Variants in CIAO2A observed in about 807,000 individuals in gnomAD.
The protein encoded by CIAO2A is MIP18 family protein FAM96A.
In CIAO2A, 17 loss-of-function variants were observed where a neutral mutation model predicts 22.4. That is an observed-to-expected ratio of 0.76 (90% CI 0.52 to 1.14). The LOEUF is 1.14. CIAO2A is among the 50% of genes most tolerant of loss of function. The probability of loss-of-function intolerance (pLI) is 0.00; values close to 1 mark genes in which losing one functional copy is unlikely to be tolerated. For synonymous variants in CIAO2A, 74 were observed against 72.3 expected (o/e 1.02, Z -0.12); for missense variants, 192 against 191.4 (o/e 1.00, Z -0.02).
At chr15:64,086,188 C>T (rs1237804715) in intron 2 of CIAO2A, among the ~76,000 whole-genome samples, 1 of 151,538 alleles carries the variant, frequency 6.6e-6, no homozygotes, top group East Asian at 2.0e-4. Flanking sequence ...GTGGGCAGAT[C>T]ACCTGATATT....
chr15:64,075,509 T>C lies in CIAO2A; in HGVS notation c.368A>G (p.His123Arg), dbSNP rs1301211022. The change falls in exon 4 of 5, where the codon CAC (histidine) becomes CGC (arginine). Residue 123 changes from histidine to arginine, a missense_variant. Coordinates refer to ENST00000300030, the MANE Select transcript of CIAO2A (RefSeq NM_032231.7). ...TCACTTACTGTCTTCTTCTGTTGAG[T>C]GGGTTCCTTCAGAAATGTAGATTTC... ...KLEIYISEGT[H>R]STEEDINKQI... 2 of 1,587,194 alleles carry C rather than the reference T, an allele frequency of 1.3e-6. No homozygotes were observed. Among genetic ancestry groups the C allele is most frequent in the Non-Finnish European group, 1.7e-6 (2 of 1,166,036 alleles).
intron 1 of CIAO2A, among the ~76,000 whole-genome samples, chr15:64,089,946 G>C (rs1246640274): frequency 3.3e-5 from 5 of 152,200 alleles, no homozygotes; most frequent in African/African-American, 1.2e-4. Flanking sequence ...CTGTAGCATA[G>C]AGTTTAAAAC....
At chr15:64,078,622 C>A (rs1284154851) in intron 3 of CIAO2A, among the ~76,000 whole-genome samples, 2 of 115,526 alleles carry the variant, frequency 1.7e-5, no homozygotes, top group Admixed American at 1.2e-4. Flanking sequence ...GGCGACAGAG[C>A]GAGATTCCAT....
intron 3 of CIAO2A, among the ~76,000 whole-genome samples, chr15:64,079,984 T>C (rs1006312574): frequency 6.6e-5 from 10 of 152,182 alleles, no homozygotes; most frequent in Non-Finnish European, 1.2e-4. Flanking sequence ...ATCCTTATTT[T>C]AAAATGGGCA....
At chr15:64,079,451 C>T (rs1344057391) in intron 3 of CIAO2A, among the ~76,000 whole-genome samples, 1 of 152,068 alleles carries the variant, frequency 6.6e-6, no homozygotes, top group Non-Finnish European at 1.5e-5. Flanking sequence ...GGCTGAGCCT[C>T]GGAGATAGAG....
At chr15:64,085,229 T>C (rs2140112449) in intron 2 of CIAO2A, among the ~76,000 whole-genome samples, 1 of 152,290 alleles carries the variant, frequency 6.6e-6, no homozygotes, top group Admixed American at 6.5e-5. Flanking sequence ...CCTATAACTA[T>C]ATAATTAAAG....
intron 2 of CIAO2A, among the ~76,000 whole-genome samples, chr15:64,086,573 C>T (rs2080796939): frequency 6.6e-6 from 1 of 151,920 alleles, no homozygotes; most frequent in Non-Finnish European, 1.5e-5. Context: ...CCAAAAATAA[C>T]CATGCATTCA....
At chr15:64,082,628 T>TA (rs1370111095) in intron 2 of CIAO2A, among the ~76,000 whole-genome samples, 1 of 152,214 alleles carries the variant, frequency 6.6e-6, no homozygotes, top group African/African-American at 2.4e-5. Flanking sequence ...GGATCTGCCT[T>TA]AAAGCATATC....
At chr15:64,078,408 G>A (rs1275358696) in intron 3 of CIAO2A, among the ~76,000 whole-genome samples, 1 of 152,176 alleles carries the variant, frequency 6.6e-6, no homozygotes, top group Non-Finnish European at 1.5e-5. Context: ...GCTAAGGCGG[G>A]TGTATCACCT....
chr15:64,089,240 T>G (rs1297103440), intron 1 of CIAO2A, among the ~76,000 whole-genome samples: 1 of 152,076 alleles, frequency 6.6e-6, no homozygotes, highest in East Asian at 1.9e-4. Flanking sequence ...TGAAGGAAAG[T>G]AGCTGGGCAT....
intron 1 of CIAO2A, 70 bp from the exon 2 acceptor site, chr15:64,088,921 G>C: frequency 6.8e-7 from 1 of 1,462,864 alleles, no homozygotes; most frequent in East Asian, 2.4e-5. Flanking sequence ...ATTTTGCCAG[G>C]CCTAATTTAA....
At chr15:64,087,805 T>G (rs2080809757) in intron 2 of CIAO2A, among the ~76,000 whole-genome samples, 1 of 149,872 alleles carries the variant, frequency 6.7e-6, no homozygotes, top group South Asian at 2.2e-4. Context: ...TTCCCCCATC[T>G]GCCCAGCTCC....
In CIAO2A at chr15:64,079,452, G is replaced by A. The variant is rs62023392; in HGVS notation, c.339+1650C>T. ...CTAGCTACTTGGGAGGCTGAGCCTC[G>A]GAGATAGAGGCTGCAGTAAGCAGTG... On this transcript the variant is annotated intron_variant, in intron 3 of 4. Transcript: ENST00000300030. Among the ~76,000 whole-genome samples the A allele has an allele frequency of 3.9e-5, 6 of 152,328 alleles. No individual in the cohort carries two copies. In the East Asian group the frequency reaches 7.7e-4, roughly 20 times the overall value.
In CIAO2A at chr15:64,072,929, T is replaced by C. The variant is rs370844036; in HGVS notation, c.*2A>G. The stretch of plus-strand genomic sequence containing the variant: ...ACAGGCCAGTGGCTCTTAAAACAGC[T>C]ATCAGTCAGGTTCAAGGACACACTG... On this transcript the variant is annotated 3_prime_UTR_variant, in exon 5 of 5. Transcript: ENST00000300030. 2.2e-5 allele frequency: 35 copies of C among 1,601,608 alleles called. No individual in the cohort carries two copies. In the African/African-American group the frequency reaches 4.5e-4, roughly 21 times the overall value.
intron 3 of CIAO2A, among the ~76,000 whole-genome samples, chr15:64,076,801 T>C (rs2080721055): frequency 6.8e-6 from 1 of 148,010 alleles, no homozygotes; most frequent in Non-Finnish European, 1.5e-5. Context: ...CATGTCTCAC[T>C]ACAGCCTCGA....
At chr15:64,083,592 T>C (rs944971668) in intron 2 of CIAO2A, among the ~76,000 whole-genome samples, 3 of 152,080 alleles carry the variant, frequency 2.0e-5, no homozygotes, top group Admixed American at 6.6e-5. Context: ...TTCTCTCAAG[T>C]TTTCCAGCTG....
chr15:64,088,909 T>C (rs924754505), intron 1 of CIAO2A, 58 bp from the exon 2 acceptor site: 2 of 1,523,854 alleles, frequency 1.3e-6, no homozygotes, highest in Non-Finnish European at 1.8e-6. Flanking sequence ...TAAATAAAGA[T>C]GATTTTGCCA....
intron 1 of CIAO2A, among the ~76,000 whole-genome samples, chr15:64,091,803 T>A (rs2080841364): frequency 6.6e-6 from 1 of 152,140 alleles, no homozygotes; most frequent in Non-Finnish European, 1.5e-5. Context: ...CTCATGCCTG[T>A]AATCCCAGCC....
In CIAO2A at chr15:64,072,905, C is replaced by T. The variant is rs768039059; in HGVS notation, c.*26G>A. ...TTTAAACAAATATATCAAACAATTA[C>T]AGGCCAGTGGCTCTTAAAACAGCTA... On this transcript the variant is annotated 3_prime_UTR_variant, in exon 5 of 5. Coordinates refer to ENST00000300030, the MANE Select transcript of CIAO2A (RefSeq NM_032231.7). 4 of 1,432,592 alleles carry T rather than the reference C, an allele frequency of 2.8e-6. No individual in the cohort carries two copies. The highest frequency in any genetic ancestry group is 1.7e-5 in the Admixed American group (1 of 58,356). 88.7% of individuals were successfully genotyped at this position (1,432,592 alleles called of 1,614,324 possible).
Sources: allele counts gnomAD v4.1 joint callset (sites outside exome capture counted in the v4.1 genomes callset), GRCh38; gene constraint gnomAD v4.1.1; transcripts MANE v1.5; gene names NCBI Gene and HGNC (gene_info 2026-07-23, HGNC 2026-07-21).